The following TYW1 variants were observed in gnomAD, a reference collection of about 807,000 sequenced individuals.
TYW1 encodes tRNA-yW synthesizing protein 1 homolog.
TYW1 carries 46 observed loss-of-function variants against 96.2 expected under a neutral mutation model. The ratio of observed to expected loss-of-function variants is 0.48; its 90% confidence interval spans 0.38 to 0.61. The LOEUF (loss-of-function observed/expected upper bound fraction) is 0.61. TYW1 is among the 20% of genes least tolerant of loss of function. The pLI, the probability that TYW1 is intolerant of heterozygous loss-of-function variation, is 0.00. For synonymous variants in TYW1, 274 were observed against 323.0 expected (o/e 0.85, Z 1.63); for missense variants, 684 against 909.6 (o/e 0.75, Z 3.19).
intron 7 of TYW1, among the ~76,000 whole-genome samples, chr7:67,041,834 C>A (rs1226339801): frequency 6.6e-6 from 1 of 151,954 alleles, no homozygotes; most frequent in Non-Finnish European, 1.5e-5. Flanking sequence ...AATTATTTTA[C>A]CCCTCTGTGC....
chr7:67,083,179 A>G (rs1478621432), intron 10 of TYW1, among the ~76,000 whole-genome samples: 3 of 152,172 alleles, frequency 2.0e-5, no homozygotes, highest in East Asian at 1.9e-4. Context: ...CGTTCTGTCA[A>G]CCTGTAACTG....
At chr7:67,040,662 T>C (rs927560715) in intron 7 of TYW1, among the ~76,000 whole-genome samples, 14 of 151,976 alleles carry the variant, frequency 9.2e-5, no homozygotes, top group African/African-American at 3.1e-4. Flanking sequence ...CTGGGCAACA[T>C]GACGAAACCC....
rs142105995 is a variant in TYW1, at chr7:67,104,053, A to G, written c.1562+5335A>G. On this transcript the variant is annotated intron_variant, in intron 12 of 15. Transcript: ENST00000359626. The stretch of plus-strand genomic sequence containing the variant: ...GAATTTCTTTTTCTAAGTAACTGCA[A>G]TACCACCTGTACTCTGGTATCTTTT... Among the ~76,000 whole-genome samples, 214 of 152,184 alleles carry G rather than the reference A, an allele frequency of 1.4e-3. 1 individual carries two copies. The highest frequency in any genetic ancestry group is 2.5e-3 in the Non-Finnish European group (167 of 68,010).
chr7:67,122,561 G>A (rs1430904719), intron 13 of TYW1, among the ~76,000 whole-genome samples: 1 of 152,180 alleles, frequency 6.6e-6, no homozygotes, highest in South Asian at 2.1e-4. Flanking sequence ...AACATTTGAA[G>A]TACTTCTACT....
intron 9 of TYW1, among the ~76,000 whole-genome samples, chr7:67,064,075 A>C (rs1307422042): frequency 6.6e-6 from 1 of 152,228 alleles, no homozygotes; most frequent in Non-Finnish European, 1.5e-5. Context: ...ACAAATAGAC[A>C]TACCATGTTC....
At chr7:67,184,644 TTTATTTATGTTATG>T (rs1563060451) in intron 14 of TYW1, among the ~76,000 whole-genome samples, 1 of 34,762 alleles carries the variant, frequency 2.9e-5, no homozygotes, top group Non-Finnish European at 5.6e-5. Context: ...TTTATTTTAT[TTTATTTATGTTATG>T]TTATGTTATG....
intron 15 of TYW1, 32 bp from the exon 16 acceptor site, chr7:67,238,276 A>G: frequency 6.3e-7 from 1 of 1,579,936 alleles, no homozygotes; most frequent in Non-Finnish European, 8.6e-7. Flanking sequence ...GGATGTTTTT[A>G]CTTCTGACTT....
chr7:67,055,361 C>A (rs548907016), intron 8 of TYW1, among the ~76,000 whole-genome samples: 1 of 152,070 alleles, frequency 6.6e-6, no homozygotes, highest in African/African-American at 2.4e-5. Context: ...CTTTGGGAGG[C>A]GGAGGTAGAT....
intron 13 of TYW1, among the ~76,000 whole-genome samples, chr7:67,176,969 C>G (rs1261685507): frequency 1.3e-5 from 2 of 152,002 alleles, no homozygotes; most frequent in African/African-American, 2.4e-5. Flanking sequence ...CTAATTGTCC[C>G]CTGCGGTGCA....
intron 15 of TYW1, among the ~76,000 whole-genome samples, chr7:67,196,340 G>A (rs1470038542): frequency 1.3e-5 from 2 of 152,070 alleles, no homozygotes; most frequent in African/African-American, 4.8e-5. Flanking sequence ...GAAGTGAGTT[G>A]TTTTATGGTT....
rs61078524 is a variant in TYW1 at position 67,115,240 on chromosome 7, CTTTT to C, written c.1563-2227_1563-2224del. ...GCCAGCAGTAACCATTAAGACAGTCCTTTTTTTTTTTTTTTTTTTAAATAGAAGT... is the reference window on the plus strand; with the variant it reads ...GCCAGCAGTAACCATTAAGACAGTCCTTTTTTTTTTTTTTTAAATAGAAGT... On this transcript the variant is annotated intron_variant, in intron 12 of 15. Coordinates refer to ENST00000359626, the MANE Select transcript of TYW1 (RefSeq NM_018264.4). 9.0e-3 allele frequency among the ~76,000 whole-genome samples: 1,218 copies of C among 134,870 alleles called. 14 individuals are homozygous for C. The highest frequency in any genetic ancestry group is 0.029 in the African/African-American group (1,088 of 37,432). 88.5% of individuals were successfully genotyped at this position (134,870 alleles called of 152,430 possible).
chr7:67,086,663 A>G (rs1352969464), intron 11 of TYW1, among the ~76,000 whole-genome samples: 2 of 152,176 alleles, frequency 1.3e-5, no homozygotes, highest in Non-Finnish European at 1.5e-5. Context: ...GAACAGGTCA[A>G]TCTTTTTATA....
At chr7:67,009,456 G>C in intron 3 of TYW1, 127 bp from the exon 4 acceptor site, 1 of 753,544 alleles carries the variant, frequency 1.3e-6, no homozygotes, top group Non-Finnish European at 2.2e-6. Context: ...TTGTGTTCAT[G>C]AAGATACATA....
chr7:67,021,272 C>G (rs1584472520), intron 6 of TYW1, among the ~76,000 whole-genome samples: 1 of 152,294 alleles, frequency 6.6e-6, no homozygotes, highest in Admixed American at 6.5e-5. Flanking sequence ...TTCTCATTCT[C>G]TCTTTCCAGG....
intron 15 of TYW1, among the ~76,000 whole-genome samples, chr7:67,206,281 A>G (rs1190870089): frequency 6.6e-6 from 1 of 152,142 alleles, no homozygotes; most frequent in African/African-American, 2.4e-5. Flanking sequence ...ATCAGATCTC[A>G]TCAGATCCCA....
At chr7:67,190,678 T>C (rs374155556) in intron 14 of TYW1, among the ~76,000 whole-genome samples, 94 of 152,302 alleles carry the variant, frequency 6.2e-4, no homozygotes, top group Middle Eastern at 3.4e-3. Context: ...CGGAGGCAGG[T>C]GAGGAAGGCC....
chr7:67,215,535 G>GAC (rs1257217558), intron 15 of TYW1, among the ~76,000 whole-genome samples: 2 of 152,208 alleles, frequency 1.3e-5, no homozygotes, highest in African/African-American at 4.8e-5. Context: ...CTGGCCTCAA[G>GAC]ACACCTCCAC....
intron 6 of TYW1, among the ~76,000 whole-genome samples, 171 bp downstream of exon 6, chr7:67,018,314 G>A (rs1794099109): frequency 6.6e-6 from 1 of 152,046 alleles, no homozygotes; most frequent in Non-Finnish European, 1.5e-5. Flanking sequence ...CAAGGTGGGG[G>A]TATTGCTTGA....
intron 15 of TYW1, among the ~76,000 whole-genome samples, chr7:67,199,796 T>C (rs1488141937): frequency 2.0e-5 from 3 of 152,112 alleles, no homozygotes; most frequent in African/African-American, 7.2e-5. Flanking sequence ...TTATTCAAAA[T>C]TGATACTAAT....
Sources: allele counts gnomAD v4.1 joint callset (sites outside exome capture counted in the v4.1 genomes callset), GRCh38; gene constraint gnomAD v4.1.1; transcripts MANE v1.5; gene names NCBI Gene and HGNC (gene_info 2026-07-23, HGNC 2026-07-21).